ART4: variants seen among roughly 807,000 people sequenced by gnomAD.
ART4 encodes ecto-ADP-ribosyltransferase 4.
Under a neutral mutation model 24.2 loss-of-function variants are expected in ART4, and 14 were observed. The ratio of observed to expected loss-of-function variants is 0.58; its 90% CI spans 0.38 to 0.90. The LOEUF (loss-of-function observed/expected upper bound fraction) is 0.90. Among genes scored for constraint, ART4 ranks in the 40% least tolerant of loss-of-function variants. ART4 has a pLI of 0.00. For missense variants in ART4, 356 were observed against 366.6 expected (o/e 0.97, Z 0.24); for synonymous variants, 145 against 139.9 (o/e 1.04, Z -0.26).
rs3084548 is a variant in ART4 at position 14,830,649 on chromosome 12, GTATATATATATATATATATATATATATA to G, written c.854-1215_854-1188del. Among the ~76,000 whole-genome samples the G allele has an allele frequency of 4.7e-3, 122 of 25,960 alleles. 4 individuals carry two copies. The highest frequency in any genetic ancestry group is 0.022 in the Middle Eastern group (1 of 46). The allele number at this position is 25,960 out of a possible 152,430, so 17.0% of individuals were successfully genotyped here. On this transcript the variant is annotated intron_variant, in intron 2 of 2. Coordinates refer to ENST00000228936, the MANE Select transcript of ART4 (RefSeq NM_021071.4). ...GTGTGTATGTGTGTACTGTATGTAT[GTATATATATATATATATATATATATATA>G]TATATATATATATATATATATACAG...
At chr12:14,830,536 AGTGTGTGTGTGTGTGTGT>A (rs55694373) in intron 2 of ART4, among the ~76,000 whole-genome samples, 20 of 124,204 alleles carry the variant, frequency 1.6e-4, no homozygotes, top group Admixed American at 1.4e-3. Flanking sequence ...TCTATATAGG[AGTGTGTGTGTGTGTGTGT>A]GTGTGTGTGT....
chr12:14,840,403 T>A, intron 2 of ART4, 42 bp downstream of exon 2: 1 of 1,488,866 alleles, frequency 6.7e-7, no homozygotes, highest in South Asian at 1.3e-5. Flanking sequence ...AAAAGAGCAG[T>A]GGTCTGTGAT....
At chr12:14,842,205 T>G (rs1456312854) in intron 1 of ART4, among the ~76,000 whole-genome samples, 1 of 152,242 alleles carries the variant, frequency 6.6e-6, no homozygotes, top group East Asian at 1.9e-4. Context: ...AACATTCCTT[T>G]CTTGGCAAAG....
chr12:14,841,201 G>A, intron 1 of ART4, 48 bp from the exon 2 acceptor site: 1 of 1,516,728 alleles, frequency 6.6e-7, no homozygotes, highest in Non-Finnish European at 8.9e-7. Context: ...ATCAGATGGT[G>A]AATGTGGTTG....
chr12:14,833,943 A>G (rs1042775122), intron 2 of ART4, among the ~76,000 whole-genome samples: 1 of 152,222 alleles, frequency 6.6e-6, no homozygotes, highest in Non-Finnish European at 1.5e-5. Context: ...TCTTCTTACT[A>G]TCAATTTCAC....
chr12:14,829,429 G>A lies in ART4; in HGVS notation c.887C>T (p.Ala296Val), dbSNP rs765229407. 19 of 1,610,278 alleles carry A rather than the reference G, an allele frequency of 1.2e-5. No individual in the cohort carries two copies. The highest frequency in any genetic ancestry group is 1.1e-4 in the South Asian group (10 of 89,980). ...SSKKCIPDPI[A>V]IASLSFLTSV... ...GGTCAAAAAGGAGAGAGATGCAATA[G>A]CTATAGGATCAGGGATGCATTTCTT... The change falls in exon 3 of 3, where the codon GCT (alanine) becomes GTT (valine). Residue 296 changes from alanine to valine, a missense_variant. Ala to Val is a moderately conservative substitution (Grantham distance 64, BLOSUM62 0). Coordinates refer to ENST00000228936, the MANE Select transcript of ART4 (RefSeq NM_021071.4).
intron 1 of ART4, among the ~76,000 whole-genome samples, chr12:14,842,445 A>G (rs1012504138): frequency 2.0e-4 from 30 of 152,248 alleles, no homozygotes; most frequent in African/African-American, 7.2e-4. Context: ...GTATTAAAAT[A>G]GGTCTACGGT....
At chr12:14,836,789 A>G (rs1292842138) in intron 2 of ART4, among the ~76,000 whole-genome samples, 3 of 152,190 alleles carry the variant, frequency 2.0e-5, no homozygotes, top group Non-Finnish European at 2.9e-5. Context: ...ATAGTTTCGT[A>G]GCTGTGGAGG....
At position 14,828,119 on chromosome 12, in the gene ART4, C is replaced by G. The variant is rs1295493223; in HGVS notation, c.*1252G>C. On this transcript the variant is annotated 3_prime_UTR_variant, in exon 3 of 3. Coordinates refer to ENST00000228936, the MANE Select transcript of ART4 (RefSeq NM_021071.4). ...GGGAAGCGTTAGAGGACATTTCCAG[C>G]TATACAATTCAACAATTTATACTTC... 1 of 152,160 alleles carries G rather than the reference C, an allele frequency of 6.6e-6. No individual in the cohort carries two copies. The highest frequency in any genetic ancestry group is 2.4e-5 in the African/African-American group (1 of 41,446). The allele number at this position is 152,160 out of a possible 1,614,324, so 9.4% of individuals were successfully genotyped here.
Position 14,840,900 on chromosome 12 carries a change from T to G in ART4, c.398A>C (p.His133Pro). 1 of 1,614,240 alleles carries G rather than the reference T, an allele frequency of 6.2e-7. No individual in the cohort carries two copies. Residue 133 changes from histidine (H) to proline (P), a missense_variant, in exon 2 of 3, where the codon CAT becomes CCT. Transcript: ENST00000228936. ...GGCCATGGCTCTAGTAAAGTCAGAATGAACATTGCTGTTCAATGTATAAAA... is the reference window on the plus strand; with the variant it reads ...GGCCATGGCTCTAGTAAAGTCAGAAGGAACATTGCTGTTCAATGTATAAAA... The part of the protein sequence containing the change: ...ILFYTLNSNV[H>P]SDFTRAMASV...
chr12:14,839,735 T>G (rs1334915928), intron 2 of ART4, among the ~76,000 whole-genome samples: 1 of 152,210 alleles, frequency 6.6e-6, no homozygotes, highest in East Asian at 1.9e-4. Context: ...AGGAACTTAT[T>G]GGAAGACACA....
At chr12:14,841,971 C>G (rs1157826754) in intron 1 of ART4, among the ~76,000 whole-genome samples, 1 of 152,214 alleles carries the variant, frequency 6.6e-6, no homozygotes, top group South Asian at 2.1e-4. Context: ...ATTTGTCCCC[C>G]TCAGGGACAG....
Position 14,840,650 on chromosome 12 carries a change from C to T in ART4, c.648G>A (p.Glu216=), listed in dbSNP as rs1950462448. ...QFLSTSLLKE[E]AQEFGNQTLF... is the part of the protein sequence containing the mutation. Reference sequence around the variant, plus strand: ...GTGTCTGGTTCCCAAACTCCTGTGCCTCTTCTTTCAGGAGGGATGTGGAGA... The same window carrying T: ...GTGTCTGGTTCCCAAACTCCTGTGCTTCTTCTTTCAGGAGGGATGTGGAGA... Residue 216 remains glutamate, a synonymous_variant, in exon 2 of 3, where the codon GAG becomes GAA. Coordinates refer to ENST00000228936, the MANE Select transcript of ART4 (RefSeq NM_021071.4). 1 of 1,614,136 alleles carries T rather than the reference C, an allele frequency of 6.2e-7. No homozygotes were observed. The highest frequency in any genetic ancestry group is 8.5e-7 in the Non-Finnish European group (1 of 1,180,014).
chr12:14,826,445 A>G lies in ART4; in HGVS notation c.*2926T>C, dbSNP rs1010059058. The G allele has an allele frequency of 1.2e-4, 18 of 152,232 alleles. No individual in the cohort carries two copies. The highest frequency in any genetic ancestry group is 4.3e-4 in the African/African-American group (18 of 41,458). 9.4% of individuals were successfully genotyped at this position (152,232 alleles called of 1,614,324 possible). ...TATAGCAGAATCATCTAGAGGACTT[A>G]TTAAAACAGACTGTTCAATTTCTGT... is the stretch of plus-strand genomic sequence containing the variant. On this transcript the variant is annotated 3_prime_UTR_variant, in exon 3 of 3. Transcript: ENST00000228936.
chr12:14,831,317 T>G (rs939000846), intron 2 of ART4, among the ~76,000 whole-genome samples: 1 of 149,448 alleles, frequency 6.7e-6, no homozygotes, highest in Non-Finnish European at 1.5e-5. Flanking sequence ...TCACCCAGGC[T>G]AGAGTACAGC....
intron 1 of ART4, among the ~76,000 whole-genome samples, chr12:14,842,030 T>C (rs1235728195): frequency 5.9e-5 from 9 of 152,096 alleles, no homozygotes; most frequent in African/African-American, 1.9e-4. Context: ...CCTAGGAAAG[T>C]CCCTCCCCTC....
At chr12:14,838,207 A>G (rs1438645711) in intron 2 of ART4, among the ~76,000 whole-genome samples, 3 of 152,348 alleles carry the variant, frequency 2.0e-5, no homozygotes, top group Middle Eastern at 6.8e-3. Flanking sequence ...TAGTTTCGCC[A>G]TAGGAAAGCA....
Position 14,839,782 on chromosome 12 carries a change from C to A in ART4, c.853+663G>T, listed in dbSNP as rs548127978. Among the ~76,000 whole-genome samples, 3 of 152,290 alleles carry A rather than the reference C, an allele frequency of 2.0e-5. No homozygotes were observed. In the South Asian group the frequency reaches 6.2e-4, roughly 32 times the overall value. On this transcript the variant is annotated intron_variant, in intron 2 of 2. Coordinates refer to ENST00000228936, the MANE Select transcript of ART4 (RefSeq NM_021071.4). ...GCAAGGTATTCTTTGCTTAAAATGA[C>A]TTTTCTTTCATTGAAAACCCCCATT... is the stretch of plus-strand genomic sequence containing the variant.
At chr12:14,835,085 G>C (rs148414657) in intron 2 of ART4, among the ~76,000 whole-genome samples, 55 of 152,290 alleles carry the variant, frequency 3.6e-4, no homozygotes, top group African/African-American at 1.2e-3. Context: ...CCAGTATCAC[G>C]TCTGTCAGAT....
Sources: allele counts gnomAD v4.1 joint callset (sites outside exome capture counted in the v4.1 genomes callset), GRCh38; gene constraint gnomAD v4.1.1; transcripts MANE v1.5; gene names NCBI Gene and HGNC (gene_info 2026-07-23, HGNC 2026-07-21).